ZNF594: variants seen among roughly 807,000 people sequenced by gnomAD.
ZNF594 encodes the protein zinc finger protein HZF18.
For synonymous variants in ZNF594, 336 were observed against 309.4 expected (o/e 1.09, Z -0.90); for missense variants, 1,037 against 964.6 (o/e 1.08, Z -0.99).
In ZNF594 at chr17:5,181,773, C is replaced by T. The variant is rs759347794; in HGVS notation, c.*60G>A. On this transcript the variant is annotated 3_prime_UTR_variant, in exon 2 of 2. Transcript: ENST00000575779. ...ACGATGGTGTTTAATAAGATCTGAGCTGCTCCTAAAAGATTCCCCACATTT... is the reference window on the plus strand; with the variant it reads ...ACGATGGTGTTTAATAAGATCTGAGTTGCTCCTAAAAGATTCCCCACATTT... The T allele has an allele frequency of 6.2e-7, 1 of 1,608,206 alleles. No homozygotes were observed. The highest frequency in any genetic ancestry group is 8.5e-7 in the Non-Finnish European group (1 of 1,174,746).
chr17:5,178,438 G>T (rs1362934096), downstream of ZNF594, among the ~76,000 whole-genome samples: 1 of 152,008 alleles, frequency 6.6e-6, no homozygotes, highest in Non-Finnish European at 1.5e-5. Context: ...CTCATTGTTT[G>T]TCTAAAATGA....
At chr17:5,177,363 T>C (rs1175058334), downstream of ZNF594, among the ~76,000 whole-genome samples, 4 of 152,052 alleles carry the variant, frequency 2.6e-5, no homozygotes, top group South Asian at 4.2e-4. Context: ...TTCGGTGAAA[T>C]ACTTAGGACT....
rs758194141 is a variant in ZNF594, at chr17:5,183,669, G to A, written c.588C>T (p.Ser196=). 3 of 1,614,154 alleles carry A rather than the reference G, an allele frequency of 1.9e-6. No homozygotes were observed. The highest frequency in any genetic ancestry group is 2.5e-6 in the Non-Finnish European group (3 of 1,180,026). The part of the protein sequence containing the change: ...HECGKDFNQS[S]NLVRHKQIHS... ...GAATTTGCTTATGTCTCACCAGATTGGAGCTCTGATTGAAGTCTTTTCCAC... is the reference window on the plus strand; with the variant it reads ...GAATTTGCTTATGTCTCACCAGATTAGAGCTCTGATTGAAGTCTTTTCCAC... Residue 196 remains serine (S), a synonymous_variant, in exon 2 of 2, where the codon TCC becomes TCT. Coordinates refer to ENST00000575779, the MANE Select transcript of ZNF594 (RefSeq NM_032530.2).
rs1431656766 is a variant in ZNF594 at position 5,182,911 on chromosome 17, C to T, written c.1346G>A (p.Arg449Lys). The T allele has an allele frequency of 3.7e-6, 6 of 1,613,680 alleles. No individual in the cohort carries two copies. The highest frequency in any genetic ancestry group is 1.3e-5 in the African/African-American group (1 of 74,888). Residue 449 changes from arginine to lysine, a missense_variant, in exon 2 of 2, where the codon AGA (arginine) becomes AAA (lysine). Physicochemically the swap from Arg to Lys is conservative, Grantham distance 26. Coordinates refer to ENST00000575779, the MANE Select transcript of ZNF594 (RefSeq NM_032530.2). ...KSFRGSSDLI[R>K]HHRVHTGEKP... The stretch of plus-strand genomic sequence containing the variant: ...CTCTCCAGTATGAACACGATGGTGT[C>T]TAATAAGATCTGAGCTGCCCCTAAA...
chr17:5,182,183 G>T lies in ZNF594; in HGVS notation c.2074C>A (p.Arg692Ser). The change falls in exon 2 of 2, where the codon CGT becomes AGT. Residue 692 changes from arginine to serine, a missense_variant. Physicochemically the swap from Arg to Ser is moderately radical, Grantham distance 110. Coordinates refer to ENST00000575779, the MANE Select transcript of ZNF594 (RefSeq NM_032530.2). ...CTCCGATGTTGAATAAGGAGGGAACGCCGCCTGAAGGCATTCCCACATTCA... is the reference window on the plus strand; with the variant it reads ...CTCCGATGTTGAATAAGGAGGGAACTCCGCCTGAAGGCATTCCCACATTCA... ...CSECGNAFRR[R>S]SLLIQHRRLH... The T allele has an allele frequency of 6.2e-7, 1 of 1,613,270 alleles. No homozygotes were observed. The highest frequency in any genetic ancestry group is 8.5e-7 in the Non-Finnish European group (1 of 1,179,868).
chr17:5,185,792 T>C (rs911721748), intron 1 of ZNF594, among the ~76,000 whole-genome samples: 1 of 152,160 alleles, frequency 6.6e-6, no homozygotes, highest in African/African-American at 2.4e-5. Context: ...ACAAAGGGGT[T>C]ACAGGGCCCA....
chr17:5,181,115 A>C lies in ZNF594; in HGVS notation c.*718T>G, dbSNP rs912484154. 6.4e-7 allele frequency: 1 copy of C among 1,552,090 alleles called. No homozygotes were observed. Among genetic ancestry groups the C allele is most frequent in the Non-Finnish European group, 8.9e-7 (1 of 1,129,022 alleles). On this transcript the variant is annotated 3_prime_UTR_variant, in exon 2 of 2. Transcript: ENST00000575779. The stretch of plus-strand genomic sequence containing the variant: ...GATGACTGACAAGGTGTGAGTTCTG[A>C]CTGAAGGCCTTCCAACATTCAGGGC...
downstream of ZNF594, among the ~76,000 whole-genome samples, chr17:5,179,152 G>A (rs114945197): frequency 7.3e-3 from 1,104 of 150,630 alleles, 18 homozygotes; most frequent in African/African-American, 0.025. Context: ...TGCAGGGGCC[G>A]GGAAGCCCGA....
At position 5,181,945 on chromosome 17, in the gene ZNF594, T is replaced by G; in HGVS notation, c.2312A>C (p.Gln771Pro). 6.2e-7 allele frequency: 1 copy of G among 1,613,908 alleles called. No individual in the cohort carries two copies. Among genetic ancestry groups the G allele is most frequent in the Non-Finnish European group, 8.5e-7 (1 of 1,180,026 alleles). ...YWCNQCSRTF[Q>P]GSSDLIRHQV... ...ATGTCTGATGAGATCTGAGCTGCCC[T>G]GGAAGGTCCTACTACACTGATTACA... Residue 771 changes from glutamine to proline, a missense_variant, in exon 2 of 2, where the codon CAG (glutamine) becomes CCG (proline). Gln to Pro is a moderately conservative substitution (Grantham distance 76). Transcript: ENST00000575779.
Position 5,184,086 on chromosome 17 carries a change from T to C in ZNF594, c.171A>G (p.Arg57=). 2 of 1,614,208 alleles carry C rather than the reference T, an allele frequency of 1.2e-6. No homozygotes were observed. The highest frequency in any genetic ancestry group is 1.7e-6 in the Non-Finnish European group (2 of 1,180,044). The part of the protein sequence containing the change: ...HWVSPLKDAM[R]HLPSQESGIR... ...TACCGCTCTCTTGGGAAGGGAGATG[T>C]CTCATTGCATCCTTTAAAGGGCTTA... Residue 57 remains arginine (R), a synonymous_variant, in exon 2 of 2, where the codon AGA becomes AGG. Coordinates refer to ENST00000575779, the MANE Select transcript of ZNF594 (RefSeq NM_032530.2).
chr17:5,177,409 T>C (rs145519495), downstream of ZNF594, among the ~76,000 whole-genome samples: 682 of 151,966 alleles, frequency 4.5e-3, 1 homozygote, highest in Non-Finnish European at 7.1e-3. Flanking sequence ...TAACATCACA[T>C]TGAAAAATAA....
rs781679759 is a variant in ZNF594, at chr17:5,183,750, ATTTGAAC to A, written c.500_506del (p.Ser167IlefsTer31). ...TATGAATTCTCTGATGTATAATAAGATTTGAACTTTGATTAGAGTCTTTCCCACATTC... is the reference window on the plus strand; with the variant it reads ...TATGAATTCTCTGATGTATAATAAGATTTGATTAGAGTCTTTCCCACATTC... On this transcript the variant is annotated frameshift_variant, in exon 2 of 2. Transcript: ENST00000575779. LOFTEE classifies it low-confidence loss of function (END_TRUNC). 1.2e-6 allele frequency: 2 copies of A among 1,612,956 alleles called. No individual in the cohort carries two copies. The highest frequency in any genetic ancestry group is 2.2e-5 in the South Asian group (2 of 91,050).
At chr17:5,176,647 A>C (rs2074309986), downstream of ZNF594, among the ~76,000 whole-genome samples, 3 of 151,770 alleles carry the variant, frequency 2.0e-5, no homozygotes, top group African/African-American at 7.3e-5. Flanking sequence ...AGACACTGGG[A>C]GGTCAATGCG....
At chr17:5,174,203 T>A in the ZNF594 span, 1 of 193,128 alleles carries the variant, frequency 5.2e-6, no homozygotes, top group African/African-American at 2.3e-5. Flanking sequence ...TATTTAAGAT[T>A]GGAACAAAAG....
downstream of ZNF594, among the ~76,000 whole-genome samples, chr17:5,176,814 G>A (rs907806760): frequency 1.2e-4 from 18 of 151,736 alleles, no homozygotes; most frequent in Admixed American, 6.6e-5. Context: ...AATTAAAAAC[G>A]ATCAAAATGA....
At chr17:5,187,225 T>C (rs931347318) in intron 1 of ZNF594, among the ~76,000 whole-genome samples, 5 of 152,218 alleles carry the variant, frequency 3.3e-5, no homozygotes, top group Admixed American at 2.0e-4. Context: ...AAGGCACTTC[T>C]TACATTGTGG....
At chr17:5,179,237 C>G (rs2074323186), downstream of ZNF594, among the ~76,000 whole-genome samples, 1 of 145,360 alleles carries the variant, frequency 6.9e-6, no homozygotes, top group Non-Finnish European at 1.5e-5. Context: ...GTGCCTTGGG[C>G]CCCCTGGGAT....
At chr17:5,186,563 T>C (rs2074387957) in intron 1 of ZNF594, among the ~76,000 whole-genome samples, 1 of 152,242 alleles carries the variant, frequency 6.6e-6, no homozygotes, top group African/African-American at 2.4e-5. Context: ...TCTTGTTACT[T>C]ATGCAAATTT....
At position 5,188,950 on chromosome 17, in the gene ZNF594, C is replaced by T. The variant is rs905858203; in HGVS notation, c.-21+2798G>A. On this transcript the variant is annotated intron_variant, in intron 1 of 1. Transcript: ENST00000575779. ...TTTTAGTAGAGACGGGGTTTCACCA[C>T]ATTAGCCAGGATGGTCTCGATCTCC... Among the ~76,000 whole-genome samples the T allele has an allele frequency of 4.6e-5, 7 of 151,842 alleles. No individual in the cohort carries two copies. The East Asian group carries it at 5.8e-4, about 13-fold the overall frequency.
Sources: gnomAD v4.1 joint callset for allele counts (sites outside exome capture counted in the v4.1 genomes callset) on GRCh38, gnomAD v4.1.1 for gene constraint, MANE v1.5 for transcripts, NCBI Gene and HGNC (gene_info 2026-07-23, HGNC 2026-07-21) for gene names.